TTC24: variants seen among roughly 807,000 people sequenced by gnomAD.
TTC24 encodes tetratricopeptide repeat protein 24.
A neutral mutation model predicts 63.3 loss-of-function variants in TTC24; 54 were observed. The observed-to-expected ratio is 0.85, with a 90% CI of 0.69 to 1.07. The LOEUF is 1.07. Among genes scored for constraint, TTC24 ranks in the 50% least tolerant of loss-of-function variants. The pLI, the probability that TTC24 is intolerant of heterozygous loss-of-function variation, is 0.00. For missense variants in TTC24, 680 were observed against 730.5 expected (o/e 0.93, Z 0.80); for synonymous variants, 276 against 304.3 (o/e 0.91, Z 0.97).
chr1:156,583,727 C>G lies in TTC24; in HGVS notation c.1153-70C>G. On this transcript the variant is annotated intron_variant, in intron 5 of 10. Transcript: ENST00000368236. The surrounding 1 kb of genome is among the most constrained non-coding windows in gnomAD (Gnocchi z 4.0). ...TCCCCCCTCCCTTTCCTGTTTCCTT[C>G]TTCCCCAACCCCCAGAGGACCATAA... is the stretch of plus-strand genomic sequence containing the variant. 1 of 792,972 alleles carries G rather than the reference C, an allele frequency of 1.3e-6. No individual in the cohort carries two copies. The highest frequency in any genetic ancestry group is 2.0e-6 in the Non-Finnish European group (1 of 493,686). 49.1% of individuals were successfully genotyped at this position (792,972 alleles called of 1,614,324 possible).
In TTC24 at chr1:156,582,347, G is replaced by C. The variant is rs1677023345; in HGVS notation, c.823G>C (p.Val275Leu). The C allele has an allele frequency of 1.2e-6, 2 of 1,611,524 alleles. No individual in the cohort carries two copies. Among genetic ancestry groups the C allele is most frequent in the East Asian group, 2.2e-5 (1 of 44,792 alleles). Residue 275 changes from valine to leucine, a missense_variant, in exon 3 of 11, where the codon GTG becomes CTG. Val to Leu is a conservative substitution (Grantham distance 32). Coordinates refer to ENST00000368236, the MANE Select transcript of TTC24 (RefSeq NM_001105669.4). ...LCWVPGEQAT[V>L]LRNLGMAHNA... ...CTGGGTGCCAGGAGAGCAGGCCACA[G>C]TGCTAAGAAACCTCGGGATGGCCCA...
In TTC24 at chr1:156,583,735, A is replaced by AC. The variant is rs1170119777; in HGVS notation, c.1153-57dup. 2.4e-6 allele frequency: 3 copies of AC among 1,267,372 alleles called. No individual in the cohort carries two copies. In the African/African-American group the frequency reaches 4.6e-5, roughly 19 times the overall value. The allele number at this position is 1,267,372 out of a possible 1,614,324, so 78.5% of individuals were successfully genotyped here. On this transcript the variant is annotated intron_variant, in intron 5 of 10. Transcript: ENST00000368236. The surrounding 1 kb of genome is among the most constrained non-coding windows in gnomAD (Gnocchi z 4.0). ...CCCTTTCCTGTTTCCTTCTTCCCCA[A>AC]CCCCCAGAGGACCATAAGGTCCAGG... is the stretch of plus-strand genomic sequence containing the variant.
rs766772079 is a variant in TTC24 at position 156,585,174 on chromosome 1, A to G, written c.1399A>G (p.Lys467Glu). 7 of 1,613,498 alleles carry G rather than the reference A, an allele frequency of 4.3e-6. No homozygotes were observed. The highest frequency in any genetic ancestry group is 2.2e-5 in the East Asian group (1 of 44,872). ...DEEFEEGHQK[K>E]KEERSANVPV... Reference sequence around the variant, plus strand: ...AGAGTTTGAGGAGGGCCACCAGAAGAAAAAAGAGGAGAGGTCGGCAAACGT... The same window carrying G: ...AGAGTTTGAGGAGGGCCACCAGAAGGAAAAAGAGGAGAGGTCGGCAAACGT... Residue 467 changes from lysine to glutamate, a missense_variant, in exon 8 of 11, where the codon AAA becomes GAA. Transcript: ENST00000368236.
Position 156,585,280 on chromosome 1 carries a change from A to G in TTC24, c.1456+49A>G, listed in dbSNP as rs116239885. On this transcript the variant is annotated intron_variant, in intron 8 of 10. Transcript: ENST00000368236. ...GGCGGTGCCTCTCCTTACTGCAAAT[A>G]TGGCACTCCCACCCCCACCCGCCTG... 3.9e-3 allele frequency: 5,671 copies of G among 1,457,042 alleles called. 98 individuals are homozygous for G. The African/African-American group carries it at 0.047, about 12-fold the overall frequency. 90.3% of individuals were successfully genotyped at this position (1,457,042 alleles called of 1,614,324 possible).
At position 156,583,661 on chromosome 1, in the gene TTC24, G is replaced by A; in HGVS notation, c.1153-136G>A. ...AGGTGGTGGCAGGACCCTGGGAAAG[G>A]CATGGGGATGGGGTAGAAGAGAGGG... On this transcript the variant is annotated intron_variant, in intron 5 of 10. Coordinates refer to ENST00000368236, the MANE Select transcript of TTC24 (RefSeq NM_001105669.4). This position sits in a 1 kb window ranked among gnomAD's most constrained non-coding sequence, Gnocchi z 4.0. The A allele has an allele frequency of 3.2e-6, 3 of 938,342 alleles. No homozygotes were observed. The highest frequency in any genetic ancestry group is 4.9e-6 in the Non-Finnish European group (3 of 612,466). The allele number at this position is 938,342 out of a possible 1,614,324, so 58.1% of individuals were successfully genotyped here.
Position 156,587,521 on chromosome 1 carries a change from A to G in TTC24, c.*971A>G, listed in dbSNP as rs893405129. ...CGTTGTATGTGTTATTGTAATTCAT[A>G]ATGTAATTAAATACTATACACATTG... On this transcript the variant is annotated 3_prime_UTR_variant, in exon 11 of 11. Transcript: ENST00000368236. 6.6e-6 allele frequency among the ~76,000 whole-genome samples: 1 copy of G among 152,196 alleles called. No individual in the cohort carries two copies. The highest frequency in any genetic ancestry group is 1.5e-5 in the Non-Finnish European group (1 of 68,044).
intron 3 of TTC24, 94 bp from the exon 4 acceptor site, chr1:156,582,948 C>G: frequency 6.7e-7 from 1 of 1,498,760 alleles, no homozygotes; most frequent in Non-Finnish European, 9.0e-7. Context: ...GGCACCAGGC[C>G]TCCTGGGAGG....
chr1:156,583,467 C>A lies in TTC24; in HGVS notation c.1152+17C>A. The A allele has an allele frequency of 1.3e-6, 2 of 1,555,902 alleles. No individual in the cohort carries two copies. The highest frequency in any genetic ancestry group is 1.7e-6 in the Non-Finnish European group (2 of 1,149,242). On this transcript the variant is annotated intron_variant, in intron 5 of 10. Coordinates refer to ENST00000368236, the MANE Select transcript of TTC24 (RefSeq NM_001105669.4). This position sits in a 1 kb window ranked among gnomAD's most constrained non-coding sequence, Gnocchi z 4.0. The stretch of plus-strand genomic sequence containing the variant: ...CAGTGTCAGGTGAGACCCCGCACAC[C>A]GGAATCCACCTCTCCCCTGCTATCC...
chr1:156,581,970 A>G lies in TTC24; in HGVS notation c.606A>G (p.Gly202=). 1 of 1,526,132 alleles carries G rather than the reference A, an allele frequency of 6.6e-7. No homozygotes were observed. Among genetic ancestry groups the G allele is most frequent in the Admixed American group, 2.2e-5 (1 of 45,036 alleles). 94.5% of individuals were successfully genotyped at this position (1,526,132 alleles called of 1,614,324 possible). A position where few individuals can be genotyped will look rare whatever the true frequency, so the allele number is the denominator to read the frequency against. ...AAALALGAAA[G]CMLKSGRHRV... is the part of the protein sequence containing the mutation. ...CCCTGGCACTGGGGGCTGCGGCAGG[A>G]TGTATGCTGAAGAGTGGGCGGCATC... is the stretch of plus-strand genomic sequence containing the variant. Residue 202 remains glycine (G), a synonymous_variant, in exon 2 of 11, where the codon GGA becomes GGG. Coordinates refer to ENST00000368236, the MANE Select transcript of TTC24 (RefSeq NM_001105669.4).
intron 6 of TTC24, 72 bp from the exon 7 acceptor site, chr1:156,584,804 TG>T: frequency 9.8e-7 from 1 of 1,017,614 alleles, no homozygotes; most frequent in Non-Finnish European, 1.4e-6. Flanking sequence ...CATAAGTCTC[TG>T]GAGGGAGCAC....
chr1:156,583,131 G>A lies in TTC24; in HGVS notation c.1000G>A (p.Asp334Asn). 1 of 1,613,722 alleles carries A rather than the reference G, an allele frequency of 6.2e-7. No individual in the cohort carries two copies. Among genetic ancestry groups the A allele is most frequent in the Non-Finnish European group, 8.5e-7 (1 of 1,179,804 alleles). ...SQLGDHKAAR[D>N]NYLHALQAAR... ...GCTGGGGGACCACAAGGCTGCCAGA[G>A]ACAACTACCTGCATGCCCTGCAGGC... Residue 334 changes from aspartate (D) to asparagine (N), a missense_variant, in exon 4 of 11, where the codon GAC (aspartate) becomes AAC (asparagine). By Grantham distance (23) the Asp-to-Asn change is conservative. Coordinates refer to ENST00000368236, the MANE Select transcript of TTC24 (RefSeq NM_001105669.4). The surrounding 1 kb of genome is among the most constrained non-coding windows in gnomAD (Gnocchi z 4.0).
rs2102474043 is a variant in TTC24 at position 156,583,627 on chromosome 1, A to G, written c.1153-170A>G. Among the ~76,000 whole-genome samples, 1 of 152,256 alleles carries G rather than the reference A, an allele frequency of 6.6e-6. No homozygotes were observed. Reference sequence around the variant, plus strand: ...GAGGAAGAGTTCATCGCTGTCCACAATTCTGGGCAGGTGGTGGCAGGACCC... The same window carrying G: ...GAGGAAGAGTTCATCGCTGTCCACAGTTCTGGGCAGGTGGTGGCAGGACCC... On this transcript the variant is annotated intron_variant, in intron 5 of 10. Transcript: ENST00000368236. This position sits in a 1 kb window ranked among gnomAD's most constrained non-coding sequence, Gnocchi z 4.0.
chr1:156,583,510 C>A lies in TTC24; in HGVS notation c.1152+60C>A. 1 of 1,353,206 alleles carries A rather than the reference C, an allele frequency of 7.4e-7. No homozygotes were observed. Among genetic ancestry groups the A allele is most frequent in the South Asian group, 1.3e-5 (1 of 74,554 alleles). The allele number at this position is 1,353,206 out of a possible 1,614,324, so 83.8% of individuals were successfully genotyped here. On this transcript the variant is annotated intron_variant, in intron 5 of 10. Coordinates refer to ENST00000368236, the MANE Select transcript of TTC24 (RefSeq NM_001105669.4). This position sits in a 1 kb window ranked among gnomAD's most constrained non-coding sequence, Gnocchi z 4.0. ...TGCTATCCCTCTTCTGGCTGACATT[C>A]CTGCCTTCACTCCTTGTCTTCTCCC...
Position 156,586,452 on chromosome 1 carries a change from C to T in TTC24, c.1668-17C>T, listed in dbSNP as rs370947670. The T allele has an allele frequency of 2.5e-6, 4 of 1,610,094 alleles. No individual in the cohort carries two copies. The highest frequency in any genetic ancestry group is 3.4e-6 in the Non-Finnish European group (4 of 1,178,268). On this transcript the variant is annotated splice_polypyrimidine_tract_variant and intron_variant, in intron 10 of 10. Coordinates refer to ENST00000368236, the MANE Select transcript of TTC24 (RefSeq NM_001105669.4). Reference sequence around the variant, plus strand: ...CCCAGTCACCCCCACTGGCAAGCCCCTCCCTGCCTCTTTCAGGTCATCCAG... The same window carrying T: ...CCCAGTCACCCCCACTGGCAAGCCCTTCCCTGCCTCTTTCAGGTCATCCAG...
intron 8 of TTC24, chr1:156,585,438 T>C (rs1677130726): frequency 1.7e-6 from 1 of 598,498 alleles, no homozygotes; most frequent in Admixed American, 3.0e-5. Flanking sequence ...CCATGATTTC[T>C]GCTTGTCTCT....
At chr1:156,585,649 T>G (rs1451386542) in intron 8 of TTC24, 64 bp from the exon 9 acceptor site, 2 of 1,187,696 alleles carry the variant, frequency 1.7e-6, no homozygotes, top group African/African-American at 3.0e-5. Context: ...GACTTGCAAC[T>G]CAGGGAGCAG....
chr1:156,582,124 G>A, intron 2 of TTC24, 54 bp downstream of exon 2: 2 of 1,462,344 alleles, frequency 1.4e-6, no homozygotes, highest in Non-Finnish European at 1.8e-6. Flanking sequence ...AGAGCCTGAT[G>A]ATACTCAGAG....
At position 156,583,229 on chromosome 1, in the gene TTC24, G is replaced by A; in HGVS notation, c.1039+59G>A. ...AGTGGGGAGGCTGAGGGTCCTAGGG[G>A]CTGGCGGGGAGGCAGATGGGGGGAA... On this transcript the variant is annotated intron_variant, in intron 4 of 10. Coordinates refer to ENST00000368236, the MANE Select transcript of TTC24 (RefSeq NM_001105669.4). The surrounding 1 kb of genome is among the most constrained non-coding windows in gnomAD (Gnocchi z 4.0). The A allele has an allele frequency of 6.2e-7, 1 of 1,610,316 alleles. No individual in the cohort carries two copies. The highest frequency in any genetic ancestry group is 8.5e-7 in the Non-Finnish European group (1 of 1,178,456).
intron 8 of TTC24, 86 bp from the exon 9 acceptor site, chr1:156,585,627 A>T (rs1290045431): frequency 1.4e-5 from 13 of 955,614 alleles, no homozygotes; most frequent in Non-Finnish European, 1.9e-5. Context: ...ACTCAATAGC[A>T]TCTCCCACAA....
Sources: allele counts gnomAD v4.1 joint callset (sites outside exome capture counted in the v4.1 genomes callset), GRCh38; gene constraint gnomAD v4.1.1; non-coding constraint Gnocchi (gnomAD v3.1); transcripts MANE v1.5; gene names NCBI Gene and HGNC (gene_info 2026-07-23, HGNC 2026-07-21).